Variants in DOCK1 observed in about 807,000 individuals in gnomAD.
The protein encoded by DOCK1 is dedicator of cytokinesis 1.
DOCK1 carries 138 observed loss-of-function variants against 262.7 expected under a neutral mutation model. The ratio of observed to expected loss-of-function variants is 0.53; its 90% CI spans 0.46 to 0.61. The LOEUF is 0.61. Among genes scored for constraint, DOCK1 ranks in the 20% least tolerant of loss-of-function variants. DOCK1 has a pLI of 0.00. For synonymous variants in DOCK1, 866 were observed against 867.4 expected (o/e 1.00, Z 0.03); for missense variants, 1,908 against 2,370.7 (o/e 0.80, Z 4.05).
chr10:126,913,900 C>T (rs889339380), intron 1 of DOCK1, among the ~76,000 whole-genome samples: 2 of 152,164 alleles, frequency 1.3e-5, no homozygotes, highest in African/African-American at 4.8e-5. Flanking sequence ...GGTTATTTAC[C>T]TTAAGCCTGA....
chr10:127,149,395 C>T (rs1195933226), intron 27 of DOCK1, among the ~76,000 whole-genome samples: 1 of 152,154 alleles, frequency 6.6e-6, no homozygotes, highest in East Asian at 1.9e-4. Flanking sequence ...ACCGTTTGTC[C>T]TTTTGATGCT....
chr10:127,402,694 C>T (rs561536340), intron 38 of DOCK1: 1 of 527,656 alleles, frequency 1.9e-6, no homozygotes, highest in Non-Finnish European at 3.8e-6. Context: ...CTCTCTTCAC[C>T]CTACGGTTCC....
intron 46 of DOCK1, among the ~76,000 whole-genome samples, chr10:127,422,158 C>CTTTTTTTTTTTTTTTTTTTTTTTTT (rs35535729): frequency 3.3e-5 from 2 of 61,370 alleles, no homozygotes; most frequent in Non-Finnish European, 5.8e-5. Flanking sequence ...TTTTGTTTGT[C>CTTTTTTTTTTTTTTTTTTTTTTTTT]TTTTTTTTTT....
chr10:127,216,319 A>G (rs1055547419), intron 27 of DOCK1, among the ~76,000 whole-genome samples: 1 of 152,024 alleles, frequency 6.6e-6, no homozygotes, highest in Non-Finnish European at 1.5e-5. Context: ...TAAAAAAAAA[A>G]AAAAAAGAAA....
intron 31 of DOCK1, among the ~76,000 whole-genome samples, chr10:127,353,049 TG>T (rs1365836281): frequency 1.3e-5 from 2 of 151,380 alleles, no homozygotes; most frequent in African/African-American, 4.9e-5. Context: ...GCGCAGGGGG[TG>T]TTTGTGTTCA....
At chr10:127,169,354 TC>T (rs1005389310) in intron 27 of DOCK1, among the ~76,000 whole-genome samples, 2 of 152,220 alleles carry the variant, frequency 1.3e-5, no homozygotes, top group African/African-American at 4.8e-5. Flanking sequence ...TGGCACAGTG[TC>T]CATCACTTCA....
chr10:127,409,479 G>T (rs925705065), intron 42 of DOCK1, 88 bp downstream of exon 42: 13 of 1,418,130 alleles, frequency 9.2e-6, no homozygotes, highest in Admixed American at 1.7e-5. Context: ...TTTAAAGGAC[G>T]GACTTTGGCC....
intron 6 of DOCK1, among the ~76,000 whole-genome samples, chr10:126,993,931 A>C (rs192619022): frequency 1.4e-4 from 22 of 152,366 alleles, no homozygotes; most frequent in African/African-American, 5.1e-4. Flanking sequence ...GTAGTTTTTT[A>C]GATGGAACAT....
At position 127,404,241 on chromosome 10, in the gene DOCK1, C is replaced by G. The variant is rs1024346995; in HGVS notation, c.4018-84C>G. The G allele has an allele frequency of 1.5e-5, 18 of 1,213,796 alleles. No homozygotes were observed. The African/African-American group carries it at 2.7e-4, about 18-fold the overall frequency. The allele number at this position is 1,213,796 out of a possible 1,614,324, so 75.2% of individuals were successfully genotyped here. On this transcript the variant is annotated intron_variant, in intron 39 of 51. Transcript: ENST00000623213. Reference sequence around the variant, plus strand: ...TCCCACCCTATAGAAGTTGCCAGAGCTTTTAAAGAGCCCGCAAGAAGAATC... The same window carrying G: ...TCCCACCCTATAGAAGTTGCCAGAGGTTTTAAAGAGCCCGCAAGAAGAATC...
intron 1 of DOCK1, among the ~76,000 whole-genome samples, chr10:126,908,412 G>T (rs1374211970): frequency 6.6e-6 from 1 of 152,214 alleles, no homozygotes; most frequent in Non-Finnish European, 1.5e-5. Context: ...GGCTCTGTGG[G>T]TGGACCACAC....
intron 29 of DOCK1, among the ~76,000 whole-genome samples, chr10:127,321,873 C>T (rs563991378): frequency 9.0e-4 from 137 of 152,184 alleles, no homozygotes; most frequent in Non-Finnish European, 1.7e-3. Context: ...GAGGCCAAGG[C>T]GGGCCAATCA....
At chr10:127,116,398 G>C (rs971372526) in intron 25 of DOCK1, among the ~76,000 whole-genome samples, 1 of 152,030 alleles carries the variant, frequency 6.6e-6, no homozygotes, top group African/African-American at 2.4e-5. Flanking sequence ...TTTAATGGTG[G>C]AAACATTAGT....
intron 37 of DOCK1, 85 bp downstream of exon 37, chr10:127,381,453 T>G: frequency 8.1e-7 from 1 of 1,241,612 alleles, no homozygotes; most frequent in Non-Finnish European, 1.1e-6. Flanking sequence ...ATGGCAAATT[T>G]TAGTAGGCCT....
At chr10:127,421,821 T>G (rs1243717622) in intron 46 of DOCK1, among the ~76,000 whole-genome samples, 2 of 152,238 alleles carry the variant, frequency 1.3e-5, no homozygotes, top group Non-Finnish European at 2.9e-5. Flanking sequence ...TTTTTAAGGC[T>G]GAGTAATACT....
intron 1 of DOCK1, among the ~76,000 whole-genome samples, chr10:126,961,215 C>T (rs2037191877): frequency 6.6e-6 from 1 of 152,156 alleles, no homozygotes; most frequent in African/African-American, 2.4e-5. Context: ...CTGGCAGAGC[C>T]ACAATCTTTC....
intron 29 of DOCK1, among the ~76,000 whole-genome samples, chr10:127,325,777 C>G (rs932142155): frequency 1.3e-5 from 2 of 152,162 alleles, no homozygotes. Context: ...AATTCGTTTA[C>G]GAGGACAAAG....
At chr10:126,982,703 G>A (rs937009998) in intron 4 of DOCK1, among the ~76,000 whole-genome samples, 7 of 152,276 alleles carry the variant, frequency 4.6e-5, no homozygotes, top group Non-Finnish European at 7.4e-5. Flanking sequence ...GAAAAGAACC[G>A]TTCGGGTTCC....
At chr10:127,152,341 T>C (rs907193284) in intron 27 of DOCK1, among the ~76,000 whole-genome samples, 1 of 152,240 alleles carries the variant, frequency 6.6e-6, no homozygotes, top group African/African-American at 2.4e-5. Flanking sequence ...TCTGTTGCTA[T>C]CATTGAGTTT....
intron 11 of DOCK1, 36 bp downstream of exon 11, chr10:127,008,840 T>A: frequency 6.6e-7 from 1 of 1,517,950 alleles, no homozygotes; most frequent in Non-Finnish European, 9.0e-7. Flanking sequence ...TAGCCAGATA[T>A]AATGTGGAAA....
Sources: allele counts gnomAD v4.1 joint callset (sites outside exome capture counted in the v4.1 genomes callset), GRCh38; gene constraint gnomAD v4.1.1; transcripts MANE v1.5; gene names NCBI Gene and HGNC (gene_info 2026-07-23, HGNC 2026-07-21).